The following CNTN4 variants were observed in gnomAD, a reference collection of about 807,000 sequenced individuals.
The protein encoded by CNTN4 is contactin-4.
CNTN4 carries 77 observed loss-of-function variants against 122.5 expected under a neutral mutation model. The observed-to-expected ratio is 0.63, with a 90% CI of 0.52 to 0.76. The LOEUF (loss-of-function observed/expected upper bound fraction) is 0.76, where lower values mean the gene tolerates loss of function less well. Ranked by LOEUF, CNTN4 falls within the 30% of genes least tolerant of loss-of-function variation. The pLI is 0.00. For synonymous variants in CNTN4, 512 were observed against 447.0 expected (o/e 1.15, Z -1.83); for missense variants, 1,256 against 1,259.1 (o/e 1.00, Z 0.04).
At chr3:2,107,680 G>A (rs538583070) in intron 2 of CNTN4, among the ~76,000 whole-genome samples, 36 of 152,180 alleles carry the variant, frequency 2.4e-4, no homozygotes, top group South Asian at 1.7e-3. Context: ...ACCCTTTGAC[G>A]TAAGCTGATT....
intron 6 of CNTN4, among the ~76,000 whole-genome samples, chr3:2,781,980 C>G (rs1177131130): frequency 6.6e-6 from 1 of 151,402 alleles, no homozygotes; most frequent in African/African-American, 2.4e-5. Context: ...GCCTCGGCCT[C>G]CCAAAGTGCT....
intron 10 of CNTN4, among the ~76,000 whole-genome samples, chr3:2,897,039 A>T (rs1346048983): frequency 6.6e-6 from 1 of 151,178 alleles, no homozygotes; most frequent in Non-Finnish European, 1.5e-5. Flanking sequence ...CTGTTTTTAG[A>T]AAATCGAAGC....
At chr3:2,244,113 G>T (rs943922810) in intron 2 of CNTN4, among the ~76,000 whole-genome samples, 2 of 151,914 alleles carry the variant, frequency 1.3e-5, no homozygotes, top group Non-Finnish European at 2.9e-5. Context: ...TGTTTTTCCT[G>T]TGCATACATA....
chr3:2,731,926 G>A (rs2088714986), intron 4 of CNTN4, among the ~76,000 whole-genome samples: 1 of 152,316 alleles, frequency 6.6e-6, no homozygotes. Context: ...GGAGGGTGGT[G>A]TCTCACAATT....
intron 7 of CNTN4, among the ~76,000 whole-genome samples, chr3:2,838,467 T>A (rs2093279656): frequency 6.6e-6 from 1 of 152,032 alleles, no homozygotes; most frequent in Admixed American, 6.5e-5. Context: ...TCAATTTGCT[T>A]TTATAGAGCA....
Position 2,709,090 on chromosome 3 carries a change from A to T in CNTN4, c.56-27125A>T, listed in dbSNP as rs1435653641. Among the ~76,000 whole-genome samples, 1 of 152,158 alleles carries T rather than the reference A, an allele frequency of 6.6e-6. No individual in the cohort carries two copies. The highest frequency in any genetic ancestry group is 1.5e-5 in the Non-Finnish European group (1 of 68,018). On this transcript the variant is annotated intron_variant, in intron 4 of 24. Transcript: ENST00000418658. The surrounding 1 kb of genome is among the most constrained non-coding windows in gnomAD (Gnocchi z 5.0). ...CCTCTGCTGCCACTGAATTTCATTT[A>T]GACCTCGGTGGCTGAGTTTTTAAGC...
Position 2,866,838 on chromosome 3 carries a change from A to T in CNTN4, c.541A>T (p.Ile181Phe), listed in dbSNP as rs971111582. Residue 181 changes from isoleucine (I) to phenylalanine (F), a missense_variant, in exon 8 of 25, where the codon ATT becomes TTT. Physicochemically the swap from Ile to Phe is conservative, Grantham distance 21 (BLOSUM62 0). Transcript: ENST00000418658. ...FVSQETGNLY[I>F]AKVEKSDVGN... The stretch of plus-strand genomic sequence containing the variant: ...TTCTCAAGAGACTGGGAATCTGTAT[A>T]TTGCCAAAGTAGAAAAATCAGATGT... 1 of 1,613,848 alleles carries T rather than the reference A, an allele frequency of 6.2e-7. No individual in the cohort carries two copies. The highest frequency in any genetic ancestry group is 8.5e-7 in the Non-Finnish European group (1 of 1,179,888).
intron 4 of CNTN4, among the ~76,000 whole-genome samples, chr3:2,615,789 A>G (rs895513591): frequency 1.3e-5 from 2 of 152,170 alleles, no homozygotes; most frequent in Admixed American, 1.3e-4. Flanking sequence ...GGGAGGCTAG[A>G]TATACCTAGC....
intron 3 of CNTN4, among the ~76,000 whole-genome samples, chr3:2,426,569 A>T (rs544599622): frequency 6.6e-6 from 1 of 152,182 alleles, no homozygotes; most frequent in South Asian, 2.1e-4. Flanking sequence ...TGGTATCAGG[A>T]TGATGCTGGC....
At chr3:2,513,212 G>T (rs913001613) in intron 3 of CNTN4, among the ~76,000 whole-genome samples, 8 of 152,260 alleles carry the variant, frequency 5.3e-5, no homozygotes, top group African/African-American at 1.9e-4. Context: ...ATGGCTATAT[G>T]GTCCCTAAAC....
chr3:2,295,999 A>G (rs1266814847), intron 2 of CNTN4, among the ~76,000 whole-genome samples: 1 of 152,142 alleles, frequency 6.6e-6, no homozygotes, highest in South Asian at 2.1e-4. Context: ...GATATGCAGC[A>G]TTATTTCTGA....
chr3:2,605,855 A>G (rs2081234592), intron 4 of CNTN4, among the ~76,000 whole-genome samples: 1 of 152,232 alleles, frequency 6.6e-6, no homozygotes, highest in Non-Finnish European at 1.5e-5. Flanking sequence ...TAAAGAAGAC[A>G]AATGATAAAT....
chr3:2,120,726 A>T (rs1191978992), intron 2 of CNTN4, among the ~76,000 whole-genome samples: 1 of 151,974 alleles, frequency 6.6e-6, no homozygotes, highest in East Asian at 1.9e-4. Flanking sequence ...TTAAGTATGC[A>T]TGTGACTCTC....
chr3:2,460,523 G>A (rs2049165701), intron 3 of CNTN4, among the ~76,000 whole-genome samples: 1 of 151,994 alleles, frequency 6.6e-6, no homozygotes, highest in Non-Finnish European at 1.5e-5. Flanking sequence ...CAGATACTGG[G>A]CCTTTGATTA....
intron 14 of CNTN4, among the ~76,000 whole-genome samples, chr3:2,998,175 C>G (rs1559769450): frequency 6.6e-6 from 1 of 152,096 alleles, no homozygotes; most frequent in Non-Finnish European, 1.5e-5. Flanking sequence ...GCAATTTGTA[C>G]CAACACTTCA....
chr3:2,949,072 C>G (rs1431062497), intron 13 of CNTN4, among the ~76,000 whole-genome samples: 1 of 152,106 alleles, frequency 6.6e-6, no homozygotes, highest in Non-Finnish European at 1.5e-5. Context: ...CTAGCTCTTT[C>G]TCTTAGCTAC....
intron 3 of CNTN4, among the ~76,000 whole-genome samples, chr3:2,359,308 T>A (rs778373310): frequency 6.6e-6 from 1 of 152,002 alleles, no homozygotes; most frequent in Non-Finnish European, 1.5e-5. Context: ...TATTACAACG[T>A]ATAATGTACA....
intron 6 of CNTN4, among the ~76,000 whole-genome samples, chr3:2,789,132 C>T (rs1390565024): frequency 6.6e-6 from 1 of 152,078 alleles, no homozygotes; most frequent in East Asian, 1.9e-4. Flanking sequence ...TAGGAATTTG[C>T]CTGACCATTC....
chr3:2,974,515 G>C (rs1324733809), intron 13 of CNTN4, among the ~76,000 whole-genome samples: 2 of 152,198 alleles, frequency 1.3e-5, no homozygotes, highest in African/African-American at 4.8e-5. Flanking sequence ...AGAGATGGCA[G>C]TCTGGAGCCC....
Sources: allele counts gnomAD v4.1 joint callset (sites outside exome capture counted in the v4.1 genomes callset), GRCh38; gene constraint gnomAD v4.1.1; non-coding constraint Gnocchi (gnomAD v3.1); transcripts MANE v1.5; gene names NCBI Gene and HGNC (gene_info 2026-07-23, HGNC 2026-07-21).